AGAP1: variants seen among roughly 807,000 people sequenced by gnomAD.
AGAP1 encodes the protein ArfGAP with GTPase domain, ankyrin repeat and PH domain 1.
A neutral mutation model predicts 105.3 loss-of-function variants in AGAP1; 29 were observed. That is an observed-to-expected ratio of 0.28 (90% CI 0.21 to 0.38). The LOEUF is 0.38. AGAP1 is among the 10% of genes least tolerant of loss of function. The pLI is 1.00. For synonymous variants in AGAP1, 509 were observed against 485.9 expected, an observed-to-expected ratio of 1.05 and a Z score of -0.63; for missense variants, 998 against 1,165.1, an observed-to-expected ratio of 0.86 and a Z score of 2.09.
At chr2:235,814,436 C>G (rs967758747) in intron 9 of AGAP1, among the ~76,000 whole-genome samples, 5 of 152,190 alleles carry the variant, frequency 3.3e-5, no homozygotes, top group African/African-American at 1.2e-4. Context: ...TTGTTTTTGT[C>G]TTGATGAATC....
In AGAP1 at chr2:235,993,134, C is replaced by T. The variant is rs1236898684; in HGVS notation, c.1645+24511C>T. Among the ~76,000 whole-genome samples the T allele has an allele frequency of 1.3e-5, 2 of 152,110 alleles. No homozygotes were observed. The highest frequency in any genetic ancestry group is 2.4e-5 in the African/African-American group (1 of 41,410). On this transcript the variant is annotated intron_variant, in intron 13 of 17. Transcript: ENST00000304032. The surrounding 1 kb of genome is among the most constrained non-coding windows in gnomAD (Gnocchi z 5.0). ...TGTGCTTCCTAAGTATTGATAGCGG[C>T]GTATATATAGGATTCCCACAATTTG...
chr2:235,964,818 C>A lies in AGAP1; in HGVS notation c.1484-3644C>A, dbSNP rs1349651874. On this transcript the variant is annotated intron_variant, in intron 12 of 17. Transcript: ENST00000304032. The surrounding 1 kb of genome is among the most constrained non-coding windows in gnomAD (Gnocchi z 4.6). ...GGTGAAAGTCTGGGAGGAGAAGGAC[C>A]TCGTGGAGCTGGCCGCACAGTCTAG... Among the ~76,000 whole-genome samples, 1 of 152,110 alleles carries A rather than the reference C, an allele frequency of 6.6e-6. No individual in the cohort carries two copies. The highest frequency in any genetic ancestry group is 1.9e-4 in the East Asian group (1 of 5,190).
At chr2:236,054,500 G>A (rs1263864509) in intron 16 of AGAP1, among the ~76,000 whole-genome samples, 7 of 146,554 alleles carry the variant, frequency 4.8e-5, no homozygotes, top group Non-Finnish European at 1.0e-4. Context: ...AAAAAAAAAA[G>A]GGAGGGGGAG....
chr2:235,903,922 A>G lies in AGAP1; in HGVS notation c.1156-4816A>G, dbSNP rs558480053. Among the ~76,000 whole-genome samples, 45 of 152,052 alleles carry G rather than the reference A, an allele frequency of 3.0e-4. 2 individuals carry two copies. The South Asian group carries it at 9.4e-3, about 32-fold the overall frequency. On this transcript the variant is annotated intron_variant, in intron 10 of 17. Coordinates refer to ENST00000304032, the MANE Select transcript of AGAP1 (RefSeq NM_001037131.3). ...TTCTCTGTATCAGGAGGGATCTGGTACACCGAGATACTAATGACTCCGCGT... is the reference window on the plus strand; with the variant it reads ...TTCTCTGTATCAGGAGGGATCTGGTGCACCGAGATACTAATGACTCCGCGT...
chr2:235,838,675 C>T (rs1377670558), intron 9 of AGAP1, among the ~76,000 whole-genome samples: 1 of 152,258 alleles, frequency 6.6e-6, no homozygotes, highest in East Asian at 1.9e-4. Context: ...GTCTCAGTAA[C>T]TGCTGTGCAG....
rs188432266 is a variant in AGAP1, at chr2:236,084,171, G to A, written c.2114+34890G>A. On this transcript the variant is annotated intron_variant, in intron 16 of 17. Transcript: ENST00000304032. ...TCTTGGAGTGGGGCTGGGAGGCCCC[G>A]GTGGGGAACAGCTGTAATGATGGTT... is the stretch of plus-strand genomic sequence containing the variant. 2.1e-3 allele frequency among the ~76,000 whole-genome samples: 325 copies of A among 152,198 alleles called. 1 individual carries two copies. The highest frequency in any genetic ancestry group is 7.3e-3 in the African/African-American group (301 of 41,502).
intron 8 of AGAP1, among the ~76,000 whole-genome samples, chr2:235,806,834 A>AT (rs1190410256): frequency 6.6e-6 from 1 of 152,228 alleles, no homozygotes; most frequent in Non-Finnish European, 1.5e-5. Flanking sequence ...TCAAACATTA[A>AT]TTAAATACAT....
In AGAP1 at chr2:235,973,515, C is replaced by T. The variant is rs1171392476; in HGVS notation, c.1645+4892C>T. On this transcript the variant is annotated intron_variant, in intron 13 of 17. Coordinates refer to ENST00000304032, the MANE Select transcript of AGAP1 (RefSeq NM_001037131.3). The surrounding 1 kb of genome is among the most constrained non-coding windows in gnomAD (Gnocchi z 4.7). ...GAGATGTGACTGGGCAGGATGGTGA[C>T]AGGGCCTGAAGCCTATGCATGGAGG... Among the ~76,000 whole-genome samples the T allele has an allele frequency of 6.6e-6, 1 of 152,076 alleles. No homozygotes were observed. Among genetic ancestry groups the T allele is most frequent in the African/African-American group, 2.4e-5 (1 of 41,382 alleles).
Position 235,549,636 on chromosome 2 carries a change from C to T in AGAP1, c.163+54787C>T, listed in dbSNP as rs1943738685. ...TTTCTTTAAAACTCCTTGGCACCAT[C>T]TAATTTTTTAAAAATGAGCCTAATA... On this transcript the variant is annotated intron_variant, in intron 1 of 17. Coordinates refer to ENST00000304032, the MANE Select transcript of AGAP1 (RefSeq NM_001037131.3). The surrounding 1 kb of genome is among the most constrained non-coding windows in gnomAD (Gnocchi z 4.2). Among the ~76,000 whole-genome samples the T allele has an allele frequency of 6.6e-6, 1 of 152,186 alleles. No homozygotes were observed. The highest frequency in any genetic ancestry group is 1.5e-5 in the Non-Finnish European group (1 of 68,042).
rs2057852992 is a variant in AGAP1 at position 236,050,129 on chromosome 2, T to C, written c.2114+848T>C. On this transcript the variant is annotated intron_variant, in intron 16 of 17. Coordinates refer to ENST00000304032, the MANE Select transcript of AGAP1 (RefSeq NM_001037131.3). This position sits in a 1 kb window ranked among gnomAD's most constrained non-coding sequence, Gnocchi z 4.0. Reference sequence around the variant, plus strand: ...GGAGAGGTCTCCCATCACTGGTACTTTTTAGGTTCCTCTGATTTGTTTTGC... The same window carrying C: ...GGAGAGGTCTCCCATCACTGGTACTCTTTAGGTTCCTCTGATTTGTTTTGC... Among the ~76,000 whole-genome samples, 1 of 152,202 alleles carries C rather than the reference T, an allele frequency of 6.6e-6. No individual in the cohort carries two copies. Among genetic ancestry groups the C allele is most frequent in the South Asian group, 2.1e-4 (1 of 4,830 alleles).
chr2:235,779,064 C>T (rs1956093673), intron 6 of AGAP1, among the ~76,000 whole-genome samples: 1 of 152,230 alleles, frequency 6.6e-6, no homozygotes, highest in African/African-American at 2.4e-5. Flanking sequence ...TCATAAATTG[C>T]CTCACTGAGC....
chr2:235,836,054 T>C (rs1191817429), intron 9 of AGAP1, among the ~76,000 whole-genome samples: 1 of 152,248 alleles, frequency 6.6e-6, no homozygotes, highest in Non-Finnish European at 1.5e-5. Context: ...TCCTTCTTAC[T>C]AATTAACTGC....
At chr2:235,715,020 A>G (rs749203498) in intron 2 of AGAP1, among the ~76,000 whole-genome samples, 9 of 151,894 alleles carry the variant, frequency 5.9e-5, no homozygotes, top group Non-Finnish European at 1.2e-4. Context: ...GATGGTCTCG[A>G]TCTCCTGACT....
In AGAP1 at chr2:235,746,377, C is replaced by CTTTTTTTTTTTTTTTT. The variant is rs1172393048; in HGVS notation, c.538+1557_538+1572dup. Among the ~76,000 whole-genome samples the CTTTTTTTTTTTTTTTT allele has an allele frequency of 9.2e-4, 51 of 55,562 alleles. 9 individuals carry two copies. Among genetic ancestry groups the CTTTTTTTTTTTTTTTT allele is most frequent in the East Asian group, 3.5e-3 (6 of 1,710 alleles). 36.5% of individuals were successfully genotyped at this position (55,562 alleles called of 152,430 possible). The stretch of plus-strand genomic sequence containing the variant: ...GCTTCCTGGAGAGCACCTCCCCCAA[C>CTTTTTTTTTTTTTTTT]TTTTTTTTTTTTTTTTTTTTTTTTT... On this transcript the variant is annotated intron_variant, in intron 5 of 17. Coordinates refer to ENST00000304032, the MANE Select transcript of AGAP1 (RefSeq NM_001037131.3).
intron 10 of AGAP1, among the ~76,000 whole-genome samples, chr2:235,892,775 T>A (rs2050606447): frequency 6.6e-6 from 1 of 152,166 alleles, no homozygotes; most frequent in Admixed American, 6.5e-5. Context: ...TCAGACTTCT[T>A]GAGGTCGTGA....
intron 1 of AGAP1, among the ~76,000 whole-genome samples, chr2:235,661,671 A>G (rs1947960382): frequency 6.6e-6 from 1 of 152,164 alleles, no homozygotes; most frequent in African/African-American, 2.4e-5. Flanking sequence ...GGGTGGGGTC[A>G]GGTTCCCAGG....
At chr2:236,010,223 C>T (rs1325362723) in intron 13 of AGAP1, among the ~76,000 whole-genome samples, 1 of 152,070 alleles carries the variant, frequency 6.6e-6, no homozygotes, top group African/African-American at 2.4e-5. Flanking sequence ...AAAGCTGTAG[C>T]TTCTAAAAAT....
At chr2:235,987,962 G>A (rs2055391885) in intron 13 of AGAP1, among the ~76,000 whole-genome samples, 1 of 152,138 alleles carries the variant, frequency 6.6e-6, no homozygotes, top group Admixed American at 6.5e-5. Flanking sequence ...AAATATTGTT[G>A]CTTTTTCCAG....
rs1344673433 is a variant in AGAP1, at chr2:236,096,387, A to C, written c.2115-23805A>C. On this transcript the variant is annotated intron_variant, in intron 16 of 17. Transcript: ENST00000304032. The surrounding 1 kb of genome is among the most constrained non-coding windows in gnomAD (Gnocchi z 4.4). ...ATGGTGGTGTGCACCCATAATCCCA[A>C]CTACTTGGGAAGCTGAGGCAAGAGA... is the stretch of plus-strand genomic sequence containing the variant. Among the ~76,000 whole-genome samples, 2 of 151,554 alleles carry C rather than the reference A, an allele frequency of 1.3e-5. No individual in the cohort carries two copies. The highest frequency in any genetic ancestry group is 1.5e-5 in the Non-Finnish European group (1 of 67,914).
Sources: allele counts gnomAD v4.1 joint callset (sites outside exome capture counted in the v4.1 genomes callset), GRCh38; gene constraint gnomAD v4.1.1; non-coding constraint Gnocchi (gnomAD v3.1); transcripts MANE v1.5; gene names NCBI Gene and HGNC (gene_info 2026-07-23, HGNC 2026-07-21).